The following CDH13 variants were observed in gnomAD, a reference collection of about 807,000 sequenced individuals.
The protein encoded by CDH13 is cadherin-13.
CDH13 carries 24 observed loss-of-function variants against 63.8 expected under a neutral mutation model. The ratio of observed to expected loss-of-function variants is 0.38; its 90% CI spans 0.27 to 0.53. The LOEUF (loss-of-function observed/expected upper bound fraction) is 0.53, where lower values mean the gene tolerates loss of function less well. Ranked by LOEUF, CDH13 falls within the 20% of genes least tolerant of loss-of-function variation. The pLI is 0.85. For synonymous variants in CDH13, 503 were observed against 355.3 expected (o/e 1.42, Z -4.67); for missense variants, 1,049 against 903.1 (o/e 1.16, Z -2.07).
intron 5 of CDH13, among the ~76,000 whole-genome samples, chr16:83,246,930 TG>T (rs1905051038): frequency 6.6e-6 from 1 of 152,230 alleles, no homozygotes; most frequent in Non-Finnish European, 1.5e-5. Context: ...TGCAGCTCTC[TG>T]CCTTGGTGCC....
At chr16:83,509,252 T>C (rs2074498515) in intron 7 of CDH13, among the ~76,000 whole-genome samples, 1 of 152,194 alleles carries the variant, frequency 6.6e-6, no homozygotes, top group Non-Finnish European at 1.5e-5. Flanking sequence ...TACAGCAGGA[T>C]GATATGTGGA....
intron 4 of CDH13, among the ~76,000 whole-genome samples, chr16:83,167,036 A>G (rs1382259104): frequency 1.3e-5 from 2 of 152,148 alleles, no homozygotes; most frequent in African/African-American, 4.8e-5. Context: ...AGTTACATGA[A>G]AATAAACATA....
chr16:83,759,004 C>A (rs1913737194), intron 11 of CDH13, among the ~76,000 whole-genome samples: 1 of 152,082 alleles, frequency 6.6e-6, no homozygotes, highest in African/African-American at 2.4e-5. Context: ...ATGCAAAGTC[C>A]CAATCCCAGC....
chr16:83,307,647 A>G (rs1463961920), intron 5 of CDH13, among the ~76,000 whole-genome samples: 5 of 152,202 alleles, frequency 3.3e-5, no homozygotes, highest in Admixed American at 6.6e-5. Context: ...GAGTCTGGAG[A>G]GGCACAGGGG....
At chr16:82,986,127 A>G (rs916185538) in intron 2 of CDH13, among the ~76,000 whole-genome samples, 9 of 152,224 alleles carry the variant, frequency 5.9e-5, no homozygotes, top group African/African-American at 1.7e-4. Context: ...TATTGTAGAG[A>G]TGTTGTGGGA....
At chr16:82,699,878 G>A (rs1013582929) in intron 1 of CDH13, among the ~76,000 whole-genome samples, 4 of 152,130 alleles carry the variant, frequency 2.6e-5, no homozygotes, top group Non-Finnish European at 4.4e-5. Flanking sequence ...GGTCCACATG[G>A]GTGACACTGA....
intron 6 of CDH13, among the ~76,000 whole-genome samples, chr16:83,471,447 T>G (rs1044854059): frequency 6.6e-6 from 1 of 152,158 alleles, no homozygotes; most frequent in Admixed American, 6.5e-5. Flanking sequence ...GCTAATTTTT[T>G]GTATTTTTAG....
At chr16:82,873,555 T>C (rs2040412415) in intron 2 of CDH13, among the ~76,000 whole-genome samples, 2 of 152,160 alleles carry the variant, frequency 1.3e-5, no homozygotes, top group South Asian at 4.1e-4. Context: ...TCACTCACAA[T>C]GGGTGGTGTT....
chr16:83,069,922 A>G (rs999334232), intron 3 of CDH13, among the ~76,000 whole-genome samples: 8 of 152,236 alleles, frequency 5.3e-5, no homozygotes, highest in African/African-American at 1.9e-4. Flanking sequence ...AGAAATCGGC[A>G]ATCAGTGTAG....
intron 2 of CDH13, among the ~76,000 whole-genome samples, chr16:82,872,454 T>C (rs867906660): frequency 3.3e-5 from 5 of 152,230 alleles, no homozygotes; most frequent in Admixed American, 2.6e-4. Context: ...GAGCATCTCC[T>C]AATTTAAGGT....
At chr16:83,600,217 G>C (rs959367010) in intron 7 of CDH13, among the ~76,000 whole-genome samples, 2 of 152,144 alleles carry the variant, frequency 1.3e-5, no homozygotes, top group Non-Finnish European at 2.9e-5. Context: ...AACTGGGTAC[G>C]GTGTCAATTC....
chr16:82,752,010 C>G (rs548338137), intron 1 of CDH13, among the ~76,000 whole-genome samples: 2 of 152,188 alleles, frequency 1.3e-5, no homozygotes, highest in African/African-American at 2.4e-5. Flanking sequence ...GTCTAAGCAT[C>G]TGAATATTCC....
intron 4 of CDH13, among the ~76,000 whole-genome samples, chr16:83,182,525 G>C (rs2038377991): frequency 6.6e-6 from 1 of 152,166 alleles, no homozygotes; most frequent in Non-Finnish European, 1.5e-5. Flanking sequence ...GTTCATAACT[G>C]CCACCAGTCT....
Position 82,644,307 on chromosome 16 carries a change from A to C in CDH13, c.45+17170A>C, listed in dbSNP as rs1259324699. ...TTCAGTGCTCATCACTCTGCAAATC[A>C]AGGCCCCCCGAACTCCTCCCACCCC... is the stretch of plus-strand genomic sequence containing the variant. On this transcript the variant is annotated intron_variant, in intron 1 of 13. Transcript: ENST00000567109. The surrounding 1 kb of genome is among the most constrained non-coding windows in gnomAD (Gnocchi z 5.7). Among the ~76,000 whole-genome samples the C allele has an allele frequency of 1.3e-5, 2 of 152,064 alleles. No homozygotes were observed. Among genetic ancestry groups the C allele is most frequent in the Non-Finnish European group, 2.9e-5 (2 of 67,994 alleles).
chr16:83,127,383 C>A (rs148384721), intron 4 of CDH13, among the ~76,000 whole-genome samples: 1 of 152,082 alleles, frequency 6.6e-6, no homozygotes, highest in African/African-American at 2.4e-5. Flanking sequence ...GCAAAGAGAC[C>A]CACTAAGAGG....
intron 6 of CDH13, among the ~76,000 whole-genome samples, chr16:83,413,362 A>C (rs531636786): frequency 3.4e-4 from 52 of 152,320 alleles, no homozygotes; most frequent in African/African-American, 1.2e-3. Flanking sequence ...GGCTGTAATA[A>C]AAACAGAATT....
chr16:83,753,096 C>G (rs957198407), intron 11 of CDH13, among the ~76,000 whole-genome samples: 40 of 152,148 alleles, frequency 2.6e-4, no homozygotes, highest in Admixed American at 2.6e-3. Context: ...ATAATAATCT[C>G]GAACAAGACC....
intron 1 of CDH13, among the ~76,000 whole-genome samples, chr16:82,690,779 C>G (rs769506742): frequency 6.6e-6 from 1 of 152,236 alleles, no homozygotes; most frequent in Admixed American, 6.5e-5. Context: ...CCTGGCACAA[C>G]CTGCTCACAC....
Position 83,702,511 on chromosome 16 carries a change from C to T in CDH13, c.1538+24050C>T, listed in dbSNP as rs117314582. 8.9e-3 allele frequency among the ~76,000 whole-genome samples: 1,355 copies of T among 152,118 alleles called. 54 individuals carry two copies. Among genetic ancestry groups the T allele is most frequent in the Admixed American group, 0.065 (1,000 of 15,286 alleles). Reference sequence around the variant, plus strand: ...TCTTGCAGGGGGTTTGCAGCCAGGCCCAGAAGTGACATTATCACATCTACC... The same window carrying T: ...TCTTGCAGGGGGTTTGCAGCCAGGCTCAGAAGTGACATTATCACATCTACC... On this transcript the variant is annotated intron_variant, in intron 10 of 13. Coordinates refer to ENST00000567109, the MANE Select transcript of CDH13 (RefSeq NM_001257.5).
Sources: gnomAD v4.1 joint callset for allele counts (sites outside exome capture counted in the v4.1 genomes callset) on GRCh38, gnomAD v4.1.1 for gene constraint, Gnocchi (gnomAD v3.1) non-coding constraint, MANE v1.5 for transcripts, NCBI Gene and HGNC (gene_info 2026-07-23, HGNC 2026-07-21) for gene names.